The following CEP57L1 variants were observed in gnomAD, a reference collection of about 807,000 sequenced individuals.
CEP57L1 encodes the protein centrosomal protein CEP57L1.
In CEP57L1, 37 loss-of-function variants were observed where a neutral mutation model predicts 61.0. The observed-to-expected ratio is 0.61, with a 90% CI of 0.47 to 0.80. The LOEUF (loss-of-function observed/expected upper bound fraction) is 0.80, where lower values mean the gene tolerates loss of function less well. Ranked by LOEUF, CEP57L1 falls within the 30% of genes least tolerant of loss-of-function variation. CEP57L1 has a pLI of 0.00. For missense variants in CEP57L1, 422 were observed against 524.7 expected (o/e 0.80, Z 1.91); for synonymous variants, 137 against 162.3 (o/e 0.84, Z 1.19).
chr6:109,103,889 A>C (rs1770611519), intron 1 of CEP57L1, among the ~76,000 whole-genome samples: 1 of 152,076 alleles, frequency 6.6e-6, no homozygotes, highest in African/African-American at 2.4e-5. Flanking sequence ...GAATATATAC[A>C]TATATAGGGG....
At chr6:109,147,711 A>C (rs1194645755) in intron 3 of CEP57L1, among the ~76,000 whole-genome samples, 1 of 152,196 alleles carries the variant, frequency 6.6e-6, no homozygotes, top group African/African-American at 2.4e-5. Flanking sequence ...CCAGCAGTCA[A>C]GAACAGGGGA....
intron 9 of CEP57L1, 44 bp downstream of exon 9, chr6:109,159,506 G>T (rs200599992): frequency 1.1e-5 from 17 of 1,561,394 alleles, no homozygotes; most frequent in Non-Finnish European, 1.5e-5. Flanking sequence ...ACAGTGTCTC[G>T]CTATGTTGCC....
At chr6:109,131,787 T>C (rs543921827) in intron 1 of CEP57L1, among the ~76,000 whole-genome samples, 14 of 152,190 alleles carry the variant, frequency 9.2e-5, no homozygotes, top group African/African-American at 3.1e-4. Context: ...AAGTGAGCCA[T>C]AGAACCTCTT....
Position 109,101,623 on chromosome 6 carries a change from C to CTT in CEP57L1, c.-4+6062_-4+6063dup, listed in dbSNP as rs1175348573. Among the ~76,000 whole-genome samples, 34 of 139,922 alleles carry CTT rather than the reference C, an allele frequency of 2.4e-4. No individual in the cohort carries two copies. The South Asian group carries it at 5.1e-3, about 21-fold the overall frequency. The allele number at this position is 139,922 out of a possible 152,430, so 91.8% of individuals were successfully genotyped here. A position where few individuals can be genotyped will look rare whatever the true frequency, so the allele number is the denominator to read the frequency against. The stretch of plus-strand genomic sequence containing the variant: ...ACAGCTGTTTTTCTTTTTCTTTTTT[C>CTT]TTTTTTTTTTTTTTTGAGACGGAGT... On this transcript the variant is annotated intron_variant, in intron 1 of 10. Transcript: ENST00000517392.
At chr6:109,096,539 G>A (rs1446542690) in intron 1 of CEP57L1, among the ~76,000 whole-genome samples, 1 of 152,210 alleles carries the variant, frequency 6.6e-6, no homozygotes, top group Non-Finnish European at 1.5e-5. Flanking sequence ...ATACTTGGCG[G>A]TGTGGGGTGG....
At chr6:109,150,332 C>T (rs1772472987) in intron 4 of CEP57L1, 93 bp downstream of exon 4, 2 of 1,482,964 alleles carry the variant, frequency 1.3e-6, no homozygotes, top group South Asian at 1.2e-5. Context: ...GCAAAGGTGG[C>T]ATAATGTTAG....
intron 10 of CEP57L1, among the ~76,000 whole-genome samples, chr6:109,162,413 C>G (rs1773797111): frequency 6.6e-6 from 1 of 151,974 alleles, no homozygotes; most frequent in Admixed American, 6.6e-5. Flanking sequence ...CCATGTTGAC[C>G]TTATCCGACT....
intron 1 of CEP57L1, chr6:109,140,506 TCTC>T (rs1771245911): frequency 6.6e-6 from 1 of 151,506 alleles, no homozygotes; most frequent in South Asian, 2.1e-4. Context: ...TTCAAGTGAT[TCTC>T]CTGCCTCAGC....
chr6:109,109,913 C>T (rs1013725211), intron 1 of CEP57L1, among the ~76,000 whole-genome samples: 2 of 152,136 alleles, frequency 1.3e-5, no homozygotes, highest in Non-Finnish European at 2.9e-5. Flanking sequence ...TGTATACGTG[C>T]CACATTTTCC....
chr6:109,162,615 A>ACATG, intron 10 of CEP57L1, 134 bp from the exon 11 acceptor site: 2 of 642,790 alleles, frequency 3.1e-6, no homozygotes, highest in South Asian at 4.1e-5. Flanking sequence ...CAATAAATTA[A>ACATG]AAACTTAATG....
upstream of CEP57L1, chr6:109,095,493 C>A: frequency 2.0e-6 from 2 of 985,804 alleles, no homozygotes; most frequent in Non-Finnish European, 2.4e-6. Flanking sequence ...ACTACAACCC[C>A]CAGGGGCCAC....
rs140321059 is a variant in CEP57L1, at chr6:109,173,034, G to A, written c.*10064G>A. On this transcript the variant is annotated 3_prime_UTR_variant, in exon 11 of 11. Coordinates refer to ENST00000517392, the MANE Select transcript of CEP57L1 (RefSeq NM_001271852.3). ...CTACTTTAATGAGATGTGTGGCATG[G>A]TGATGGTTACAAAAGTGATTTGTTA... 7.5e-3 allele frequency among the ~76,000 whole-genome samples: 1,138 copies of A among 152,296 alleles called. 11 individuals carry two copies. Among genetic ancestry groups the A allele is most frequent in the African/African-American group, 0.026 (1,067 of 41,554 alleles).
chr6:109,160,676 AAGG>A lies in CEP57L1; in HGVS notation c.1124_1126del (p.Gly375del). 1 of 1,607,622 alleles carries A rather than the reference AAGG, an allele frequency of 6.2e-7. No homozygotes were observed. Among genetic ancestry groups the A allele is most frequent in the Non-Finnish European group, 8.5e-7 (1 of 1,177,872 alleles). ...TGTTTACTCAAGAAAATGGAAATTA[AAGG>A]AGAACAAATCTCCAAACTGAAGAAG... On this transcript the variant is annotated inframe_deletion, in exon 10 of 11. Transcript: ENST00000517392.
intron 1 of CEP57L1, 56 bp from the exon 2 acceptor site, chr6:109,145,163 C>T (rs1158299381): frequency 9.1e-7 from 1 of 1,095,866 alleles, no homozygotes; most frequent in African/African-American, 1.7e-5. Context: ...TTGTATAATG[C>T]ATTTACCCTT....
intron 1 of CEP57L1, among the ~76,000 whole-genome samples, chr6:109,144,698 G>A (rs1019714873): frequency 5.3e-5 from 8 of 152,024 alleles, no homozygotes; most frequent in African/African-American, 9.7e-5. Flanking sequence ...TTAAGCAGAG[G>A]TGTGTCTTAT....
Position 109,169,947 on chromosome 6 carries a change from T to G in CEP57L1, c.*6977T>G, listed in dbSNP as rs993448489. Among the ~76,000 whole-genome samples, 1 of 152,226 alleles carries G rather than the reference T, an allele frequency of 6.6e-6. No individual in the cohort carries two copies. Among genetic ancestry groups the G allele is most frequent in the African/African-American group, 2.4e-5 (1 of 41,448 alleles). On this transcript the variant is annotated 3_prime_UTR_variant, in exon 11 of 11. Coordinates refer to ENST00000517392, the MANE Select transcript of CEP57L1 (RefSeq NM_001271852.3). The stretch of plus-strand genomic sequence containing the variant: ...CATCTTACTCAGCAATCAACCTGAT[T>G]GAATATTTTAAAATGAATAAGTGGA...
Position 109,172,176 on chromosome 6 carries a change from TAATTCTCTCAGCAGACAGAC to T in CEP57L1, c.*9207_*9226del, listed in dbSNP as rs555080844. ...CCTGTGAAGTCATGTAGACAGACCA[TAATTCTCTCAGCAGACAGAC>T]CATAATTCTCTCAGCAACAATGTGT... On this transcript the variant is annotated 3_prime_UTR_variant, in exon 11 of 11. Coordinates refer to ENST00000517392, the MANE Select transcript of CEP57L1 (RefSeq NM_001271852.3). Among the ~76,000 whole-genome samples, 18,966 of 152,238 alleles carry T rather than the reference TAATTCTCTCAGCAGACAGAC, an allele frequency of 0.12. 1,338 individuals carry two copies. Among genetic ancestry groups the T allele is most frequent in the Middle Eastern group, 0.21 (63 of 294 alleles).
chr6:109,100,291 G>A (rs2114543096), intron 1 of CEP57L1: 1 of 152,248 alleles, frequency 6.6e-6, no homozygotes, highest in Admixed American at 6.5e-5. Context: ...TCAAAGGTAT[G>A]GCATATTTAT....
chr6:109,117,014 A>T (rs67549086), intron 1 of CEP57L1, among the ~76,000 whole-genome samples: 6,892 of 152,306 alleles, frequency 0.045, 319 homozygotes, highest in African/African-American at 0.12. Context: ...TTTAATATAT[A>T]CCAAAAGTGT....
Sources: allele counts gnomAD v4.1 joint callset (sites outside exome capture counted in the v4.1 genomes callset), GRCh38; gene constraint gnomAD v4.1.1; transcripts MANE v1.5; gene names NCBI Gene and HGNC (gene_info 2026-07-23, HGNC 2026-07-21).